ABI2: variants seen among roughly 807,000 people sequenced by gnomAD.
ABI2 encodes abelson interactor 2.
Under a neutral mutation model 59.2 loss-of-function variants are expected in ABI2, and 25 were observed. The ratio of observed to expected loss-of-function variants is 0.42; its 90% CI spans 0.31 to 0.59. ABI2 has a LOEUF of 0.59. Ranked by LOEUF, ABI2 falls within the 20% of genes least tolerant of loss-of-function variation. The pLI, the probability that ABI2 is intolerant of heterozygous loss-of-function variation, is 0.14. For synonymous variants in ABI2, 213 were observed against 235.5 expected (o/e 0.90, Z 0.87); for missense variants, 545 against 681.8 (o/e 0.80, Z 2.23).
intron 1 of ABI2, among the ~76,000 whole-genome samples, chr2:203,351,991 A>G (rs1245673394): frequency 6.6e-6 from 1 of 152,190 alleles, no homozygotes; most frequent in Non-Finnish European, 1.5e-5. Flanking sequence ...TTGTAGCACA[A>G]TGCATTACTC....
intron 1 of ABI2, among the ~76,000 whole-genome samples, chr2:203,349,785 GTTGA>G (rs2086478641): frequency 6.6e-6 from 1 of 151,478 alleles, no homozygotes; most frequent in Non-Finnish European, 1.5e-5. Flanking sequence ...CCATTTGTCA[GTTGA>G]TTGACATTCT....
intron 11 of ABI2, among the ~76,000 whole-genome samples, chr2:203,423,296 G>T (rs960697627): frequency 6.6e-6 from 1 of 152,218 alleles, no homozygotes; most frequent in Non-Finnish European, 1.5e-5. Flanking sequence ...GCTAGGCCTT[G>T]TGTTAGGCGC....
At chr2:203,387,056 CT>C (rs35497226) in intron 4 of ABI2, among the ~76,000 whole-genome samples, 30,045 of 116,242 alleles carry the variant, frequency 0.26, 4,209 homozygotes, top group East Asian at 0.57. Flanking sequence ...GGCTCCCTTC[CT>C]TTTTTTTTTT....
intron 10 of ABI2, among the ~76,000 whole-genome samples, chr2:203,413,906 C>G (rs930085116): frequency 1.3e-5 from 2 of 150,016 alleles, no homozygotes; most frequent in African/African-American, 4.9e-5. Flanking sequence ...CCCAGTTATA[C>G]TGGGGTAAGA....
At chr2:203,370,921 G>C (rs1402596135) in intron 2 of ABI2, among the ~76,000 whole-genome samples, 1 of 152,102 alleles carries the variant, frequency 6.6e-6, no homozygotes, top group East Asian at 1.9e-4. Context: ...TATTGCCTGG[G>C]TAAGAACTTT....
intron 4 of ABI2, among the ~76,000 whole-genome samples, chr2:203,387,527 T>C (rs1323836313): frequency 6.6e-6 from 1 of 152,192 alleles, no homozygotes; most frequent in Non-Finnish European, 1.5e-5. Flanking sequence ...CTAAATGAAA[T>C]ATTTCTTCTG....
chr2:203,412,941 A>G (rs772964560), intron 10 of ABI2, among the ~76,000 whole-genome samples: 4 of 152,240 alleles, frequency 2.6e-5, no homozygotes, highest in Non-Finnish European at 4.4e-5. Context: ...TACAAGGTGG[A>G]AAGTCTAAGT....
At chr2:203,405,475 A>T (rs904679266) in intron 9 of ABI2, among the ~76,000 whole-genome samples, 1 of 152,044 alleles carries the variant, frequency 6.6e-6, no homozygotes, top group African/African-American at 2.4e-5. Context: ...GGTTGAACCT[A>T]GGAGATGGAA....
At position 203,402,733 on chromosome 2, in the gene ABI2, A is replaced by G. The variant is rs146738727; in HGVS notation, c.1191A>G (p.Pro397=). 162 of 1,560,158 alleles carry G rather than the reference A, an allele frequency of 1.0e-4. No homozygotes were observed. The African/African-American group carries it at 2.2e-3, about 21-fold the overall frequency. ...GAGGACCTTTTTATAGCCAGAATCC[A>G]GGTTAGTTTTTTTGTTTTTTTGCAT... ...MNGGPFYSQN[P]VSLAPPPPSI... is the part of the protein sequence containing the mutation. Residue 397 remains proline, a splice_region_variant and synonymous_variant, in exon 9 of 12, where the codon CCA becomes CCG. Coordinates refer to ENST00000261018, the MANE Select transcript of ABI2 (RefSeq NM_001375670.1).
rs2098464310 is a variant in ABI2 at position 203,429,297 on chromosome 2, A to G, written c.*1945A>G. ...TGTCCTCTGAGCCTTCAGCTCCATT[A>G]TGGACCCAAACTAGACTATACTTGG... On this transcript the variant is annotated 3_prime_UTR_variant, in exon 12 of 12. Coordinates refer to ENST00000261018, the MANE Select transcript of ABI2 (RefSeq NM_001375670.1). 3 of 152,226 alleles carry G rather than the reference A, an allele frequency of 2.0e-5. No homozygotes were observed. Among genetic ancestry groups the G allele is most frequent in the Admixed American group, 2.0e-4 (3 of 15,282 alleles). 9.4% of individuals were successfully genotyped at this position (152,226 alleles called of 1,614,324 possible).
At chr2:203,388,538 C>T (rs994796378) in intron 4 of ABI2, among the ~76,000 whole-genome samples, 12 of 151,982 alleles carry the variant, frequency 7.9e-5, no homozygotes, top group Non-Finnish European at 1.2e-4. Context: ...CAAAAAGTAG[C>T]TGGGCGTGGT....
chr2:203,367,445 G>A (rs2094565509), intron 2 of ABI2: 1 of 150,336 alleles, frequency 6.7e-6, no homozygotes, highest in East Asian at 1.9e-4. Flanking sequence ...TACTGGGATG[G>A]TACCATACCT....
chr2:203,423,558 TGGGACTACA>T (rs2098309430), intron 11 of ABI2, among the ~76,000 whole-genome samples: 1 of 152,172 alleles, frequency 6.6e-6, no homozygotes, highest in Non-Finnish European at 1.5e-5. Context: ...CACGAGTAGC[TGGGACTACA>T]GGCGCCGGCC....
At chr2:203,376,739 T>TTTG (rs2095720204) in intron 2 of ABI2, among the ~76,000 whole-genome samples, 1 of 150,378 alleles carries the variant, frequency 6.6e-6, no homozygotes, top group Non-Finnish European at 1.5e-5. Flanking sequence ...TTCCCTTTTT[T>TTTG]TTTTTTTTTT....
At chr2:203,427,051 T>C in intron 11 of ABI2, 126 bp from the exon 12 acceptor site, 1 of 732,830 alleles carries the variant, frequency 1.4e-6, no homozygotes, top group East Asian at 2.6e-5. Flanking sequence ...TTTTGGTTGG[T>C]GTTTAGAAAG....
At chr2:203,425,764 G>A (rs2098409323) in intron 11 of ABI2, among the ~76,000 whole-genome samples, 1 of 152,030 alleles carries the variant, frequency 6.6e-6, no homozygotes, top group Non-Finnish European at 1.5e-5. Context: ...GCTCATGCCT[G>A]TAATCCCAGC....
chr2:203,410,773 T>TTA (rs974290100), intron 9 of ABI2, among the ~76,000 whole-genome samples: 2 of 152,178 alleles, frequency 1.3e-5, no homozygotes, highest in African/African-American at 4.8e-5. Context: ...TTGCCTACAA[T>TTA]TAGAGTAATA....
intron 1 of ABI2, among the ~76,000 whole-genome samples, chr2:203,364,818 T>G (rs2094164896): frequency 6.6e-6 from 1 of 151,904 alleles, no homozygotes; most frequent in Non-Finnish European, 1.5e-5. Context: ...CACTGCATCT[T>G]TGGCTTCTGG....
chr2:203,380,428 A>G (rs1487114954), intron 3 of ABI2, 44 bp downstream of exon 3: 4 of 1,274,006 alleles, frequency 3.1e-6, no homozygotes, highest in Non-Finnish European at 4.2e-6. Context: ...GTAACCCATA[A>G]TGAAACCAAC....
Sources: gnomAD v4.1 joint callset for allele counts (sites outside exome capture counted in the v4.1 genomes callset) on GRCh38, gnomAD v4.1.1 for gene constraint, MANE v1.5 for transcripts, NCBI Gene and HGNC (gene_info 2026-07-23, HGNC 2026-07-21) for gene names.